GABRB2: variants seen among roughly 807,000 people sequenced by gnomAD.
The protein encoded by GABRB2 is gamma-aminobutyric acid receptor subunit beta-2.
Under a neutral mutation model 54.7 loss-of-function variants are expected in GABRB2, and 16 were observed. That is an observed-to-expected ratio of 0.29 (90% CI 0.20 to 0.44). GABRB2 has a LOEUF of 0.44. Among genes scored for constraint, GABRB2 ranks in the 20% least tolerant of loss-of-function variants. The pLI, the probability that GABRB2 is intolerant of heterozygous loss-of-function variation, is 1.00. For synonymous variants in GABRB2, 244 were observed against 233.8 expected (o/e 1.04, Z -0.40); for missense variants, 355 against 644.0 (o/e 0.55, Z 4.86).
chr5:161,457,551 T>G (rs555042347), intron 4 of GABRB2, among the ~76,000 whole-genome samples: 1 of 151,608 alleles, frequency 6.6e-6, no homozygotes, highest in African/African-American at 2.4e-5. Context: ...GTTCACACCA[T>G]TCTCCTGCCT....
chr5:161,332,766 T>A (rs1169064097), intron 7 of GABRB2, among the ~76,000 whole-genome samples: 1 of 152,166 alleles, frequency 6.6e-6, no homozygotes, highest in Non-Finnish European at 1.5e-5. Flanking sequence ...GGGACACAGT[T>A]TTCTGATTTA....
At chr5:161,440,142 A>T (rs1012354715) in intron 4 of GABRB2, among the ~76,000 whole-genome samples, 1 of 152,048 alleles carries the variant, frequency 6.6e-6, no homozygotes, top group African/African-American at 2.4e-5. Context: ...ATCCAGAGAA[A>T]ATCACCTTCA....
At chr5:161,474,313 A>G (rs370382948) in intron 3 of GABRB2, among the ~76,000 whole-genome samples, 33 of 152,014 alleles carry the variant, frequency 2.2e-4, no homozygotes, top group African/African-American at 8.0e-4. Context: ...TCATTTAGTC[A>G]GGATGTTTTG....
intron 5 of GABRB2, among the ~76,000 whole-genome samples, chr5:161,339,855 C>A (rs1754103747): frequency 6.6e-6 from 1 of 151,968 alleles, no homozygotes; most frequent in South Asian, 2.1e-4. Context: ...GGACTTGATG[C>A]CATATCTATG....
chr5:161,390,347 C>G (rs1258158723), intron 5 of GABRB2, among the ~76,000 whole-genome samples: 1 of 151,990 alleles, frequency 6.6e-6, no homozygotes, highest in Non-Finnish European at 1.5e-5. Context: ...ATTTCATGAC[C>G]TTGCACTTTG....
At chr5:161,438,946 C>T (rs1330468734) in intron 4 of GABRB2, among the ~76,000 whole-genome samples, 4 of 151,986 alleles carry the variant, frequency 2.6e-5, no homozygotes, top group Non-Finnish European at 5.9e-5. Context: ...GAGTTATTGG[C>T]CTTAAAGAGG....
intron 4 of GABRB2, among the ~76,000 whole-genome samples, chr5:161,437,642 C>A (rs760324219): frequency 4.6e-5 from 7 of 152,040 alleles, no homozygotes; most frequent in Non-Finnish European, 8.8e-5. Context: ...ATTTCTGGAC[C>A]TGCCCTGGGC....
intron 5 of GABRB2, among the ~76,000 whole-genome samples, chr5:161,403,553 A>T (rs1176183826): frequency 6.6e-6 from 1 of 152,158 alleles, no homozygotes; most frequent in East Asian, 1.9e-4. Context: ...TCTGAAGAAA[A>T]TCATCAGCAT....
intron 4 of GABRB2, among the ~76,000 whole-genome samples, chr5:161,454,689 T>A (rs971512343): frequency 3.3e-5 from 5 of 152,210 alleles, no homozygotes; most frequent in Admixed American, 6.5e-5. Context: ...CACTGATTGA[T>A]CACTGACTCA....
At chr5:161,474,160 C>T (rs1041668786) in intron 3 of GABRB2, among the ~76,000 whole-genome samples, 5 of 151,866 alleles carry the variant, frequency 3.3e-5, no homozygotes, top group Admixed American at 6.6e-5. Flanking sequence ...GTATTTTTGG[C>T]GTACTGGCTT....
chr5:161,528,855 A>G (rs1760368376), intron 3 of GABRB2, among the ~76,000 whole-genome samples: 2 of 151,916 alleles, frequency 1.3e-5, no homozygotes, highest in South Asian at 2.1e-4. Flanking sequence ...AAAAATCACA[A>G]GTGAATTCAA....
chr5:161,355,171 A>G (rs962476843), intron 5 of GABRB2, among the ~76,000 whole-genome samples: 24 of 151,820 alleles, frequency 1.6e-4, no homozygotes, highest in Non-Finnish European at 4.4e-5. Context: ...ATAGTTGATC[A>G]TTCAGAAATA....
At chr5:161,472,183 A>T (rs1387298615) in intron 3 of GABRB2, among the ~76,000 whole-genome samples, 2 of 151,864 alleles carry the variant, frequency 1.3e-5, no homozygotes, top group Non-Finnish European at 2.9e-5. Flanking sequence ...TATTAATCTC[A>T]TTATTTCCAT....
intron 3 of GABRB2, among the ~76,000 whole-genome samples, chr5:161,476,456 T>G (rs911161599): frequency 6.6e-6 from 1 of 151,800 alleles, no homozygotes. Context: ...CTAAAATTTA[T>G]AGAAAACCTC....
At chr5:161,489,666 T>C (rs1311368115) in intron 3 of GABRB2, among the ~76,000 whole-genome samples, 2 of 151,634 alleles carry the variant, frequency 1.3e-5, no homozygotes, top group Non-Finnish European at 1.5e-5. Flanking sequence ...GCCATGTAGG[T>C]CTTTTTCTGC....
chr5:161,514,411 C>G (rs1305490441), intron 3 of GABRB2, among the ~76,000 whole-genome samples: 1 of 152,108 alleles, frequency 6.6e-6, no homozygotes, highest in Non-Finnish European at 1.5e-5. Context: ...TGTTTGTCTC[C>G]TGCACTAGAA....
chr5:161,352,572 G>A (rs1754507296), intron 5 of GABRB2, among the ~76,000 whole-genome samples: 1 of 151,888 alleles, frequency 6.6e-6, no homozygotes, highest in African/African-American at 2.4e-5. Context: ...CTGGGGAGAT[G>A]GTAATCAAAG....
At chr5:161,423,305 G>C (rs1756903110) in intron 4 of GABRB2, among the ~76,000 whole-genome samples, 2 of 152,012 alleles carry the variant, frequency 1.3e-5, no homozygotes, top group South Asian at 4.1e-4. Context: ...TTCGAGATAG[G>C]CATACCTCCT....
chr5:161,418,121 T>C (rs1756735487), intron 4 of GABRB2, among the ~76,000 whole-genome samples: 1 of 152,194 alleles, frequency 6.6e-6, no homozygotes, highest in Admixed American at 6.5e-5. Context: ...CTGCCACAAA[T>C]TCAGGCACTA....
Sources: allele counts gnomAD v4.1 joint callset (sites outside exome capture counted in the v4.1 genomes callset), GRCh38; gene constraint gnomAD v4.1.1; transcripts MANE v1.5; gene names NCBI Gene and HGNC (gene_info 2026-07-23, HGNC 2026-07-21).